The following SP100 variants were observed in gnomAD, a reference collection of about 807,000 sequenced individuals.
SP100 encodes the protein SP100 nuclear body protein.
In SP100, 84 loss-of-function variants were observed where a neutral mutation model predicts 130.0. The observed-to-expected ratio is 0.65, with a 90% CI of 0.54 to 0.77. SP100 has a LOEUF of 0.77. SP100 is among the 30% of genes least tolerant of loss of function. The pLI is 0.00. For synonymous variants in SP100, 331 were observed against 351.7 expected (o/e 0.94, Z 0.66); for missense variants, 978 against 1,052.2 (o/e 0.93, Z 0.97).
intron 19 of SP100, among the ~76,000 whole-genome samples, chr2:230,502,736 C>T (rs1001194493): frequency 2.6e-5 from 4 of 152,090 alleles, no homozygotes; most frequent in African/African-American, 4.8e-5. Context: ...TGGCTGTAAC[C>T]GAGTCTAGAT....
At chr2:230,530,030 AT>A (rs1331383489) in intron 24 of SP100, among the ~76,000 whole-genome samples, 1 of 152,262 alleles carries the variant, frequency 6.6e-6, no homozygotes, top group African/African-American at 2.4e-5. Flanking sequence ...ATTCAATGCT[AT>A]CCCCATCAAG....
At chr2:230,538,944 G>T in intron 24 of SP100, 1 of 238,334 alleles carries the variant, frequency 4.2e-6, no homozygotes, top group East Asian at 8.4e-5. Flanking sequence ...GATGTAGACA[G>T]CTAGAAAAGA....
chr2:230,520,365 G>A (rs1000366942), intron 24 of SP100, among the ~76,000 whole-genome samples: 1 of 152,294 alleles, frequency 6.6e-6, no homozygotes, highest in Non-Finnish European at 1.5e-5. Flanking sequence ...CTAAGGAAAG[G>A]TTGTCCCATC....
intron 2 of SP100, among the ~76,000 whole-genome samples, chr2:230,422,341 G>A (rs2062791515): frequency 6.6e-6 from 1 of 152,116 alleles, no homozygotes; most frequent in South Asian, 2.1e-4. Context: ...TTCATCAAGT[G>A]TCCACTGGGT....
chr2:230,482,659 T>A (rs1399607550), intron 17 of SP100, among the ~76,000 whole-genome samples: 2 of 151,950 alleles, frequency 1.3e-5, no homozygotes, highest in African/African-American at 2.4e-5. Context: ...TCCACTGATG[T>A]GTAATGTCAC....
At chr2:230,532,863 C>T (rs1184180097) in intron 24 of SP100, among the ~76,000 whole-genome samples, 5 of 152,192 alleles carry the variant, frequency 3.3e-5, no homozygotes, top group African/African-American at 1.2e-4. Flanking sequence ...TTACTGCAAC[C>T]TCTGCCTCCT....
intron 2 of SP100, among the ~76,000 whole-genome samples, chr2:230,427,204 C>G (rs1016972431): frequency 2.0e-5 from 3 of 152,074 alleles, no homozygotes; most frequent in Non-Finnish European, 4.4e-5. Context: ...CTCTGTCACC[C>G]AGGTTGGAGT....
rs564014109 is a variant in SP100 at position 230,530,654 on chromosome 2, G to T, written c.2095-8613G>T. 1.4e-4 allele frequency among the ~76,000 whole-genome samples: 22 copies of T among 152,276 alleles called. 1 individual carries two copies. In the South Asian group the frequency reaches 4.6e-3, roughly 32 times the overall value. ...AGAGTGAACAGGCAACCTACAGAAT[G>T]GGAGAATATCTTTGCAATCTACCCA... On this transcript the variant is annotated intron_variant, in intron 24 of 28. Coordinates refer to ENST00000340126, the MANE Select transcript of SP100 (RefSeq NM_001080391.2).
In SP100 at chr2:230,499,330, G is replaced by C. The variant is rs531635033; in HGVS notation, c.1720+795G>C. On this transcript the variant is annotated intron_variant, in intron 19 of 28. Transcript: ENST00000340126. ...GCCAGGAGAAAGGTGCATGAAGGAG[G>C]AGGCAAGCAGAGAAGACAGACATCA... Among the ~76,000 whole-genome samples the C allele has an allele frequency of 3.3e-5, 5 of 150,160 alleles. No individual in the cohort carries two copies. In the East Asian group the frequency reaches 9.8e-4, roughly 29 times the overall value.
At chr2:230,514,642 A>G (rs565145671) in intron 24 of SP100, among the ~76,000 whole-genome samples, 41 of 152,260 alleles carry the variant, frequency 2.7e-4, no homozygotes, top group African/African-American at 9.1e-4. Context: ...ATTGTACTTG[A>G]CCTGATTATT....
chr2:230,435,032 G>A (rs1683358309), intron 2 of SP100, among the ~76,000 whole-genome samples: 1 of 152,200 alleles, frequency 6.6e-6, no homozygotes, highest in Admixed American at 6.5e-5. Context: ...GATTCCAAAA[G>A]TGGATCTGCA....
intron 23 of SP100, chr2:230,509,242 G>T (rs1690395034): frequency 6.6e-6 from 1 of 152,122 alleles, no homozygotes; most frequent in Non-Finnish European, 1.5e-5. Context: ...CTCCAAGGCT[G>T]GGTATAAGAG....
At chr2:230,429,779 T>C (rs2063044677) in intron 2 of SP100, among the ~76,000 whole-genome samples, 1 of 152,094 alleles carries the variant, frequency 6.6e-6, no homozygotes, top group Non-Finnish European at 1.5e-5. Context: ...CCAGTCATTG[T>C]ATTTTTCAGA....
At chr2:230,506,711 C>A (rs927638963) in intron 22 of SP100, 1 of 302,974 alleles carries the variant, frequency 3.3e-6, no homozygotes, top group Non-Finnish European at 6.2e-6. Flanking sequence ...ATAAACTGTG[C>A]AATTTGGTCA....
At chr2:230,476,343 G>A (rs1057240989) in intron 17 of SP100, among the ~76,000 whole-genome samples, 2 of 152,092 alleles carry the variant, frequency 1.3e-5, no homozygotes, top group Admixed American at 1.3e-4. Context: ...CAGCTAGAAC[G>A]TTTTTAGTGT....
intron 2 of SP100, among the ~76,000 whole-genome samples, chr2:230,420,685 T>C (rs992224646): frequency 1.3e-5 from 2 of 152,158 alleles, no homozygotes; most frequent in Non-Finnish European, 2.9e-5. Flanking sequence ...CCACAGTAAA[T>C]TATATTGAAA....
rs2063874690 is a variant in SP100 at position 230,449,685 on chromosome 2, A to G, written c.711A>G (p.Gln237=). The G allele has an allele frequency of 1.2e-6, 2 of 1,614,158 alleles. No homozygotes were observed. Among genetic ancestry groups the G allele is most frequent in the Non-Finnish European group, 1.7e-6 (2 of 1,180,012 alleles). The change falls in exon 7 of 29, where the codon CAA becomes CAG. Residue 237 remains glutamine (Q), a synonymous_variant. Coordinates refer to ENST00000340126, the MANE Select transcript of SP100 (RefSeq NM_001080391.2). ...DSLGSQQTNE[Q]CAQKAEPTES... is the part of the protein sequence containing the mutation. Reference sequence around the variant, plus strand: ...TAGGAAGCCAACAAACAAATGAACAATGTGCTCAAAAGGCTGAGCCAACAG... The same window carrying G: ...TAGGAAGCCAACAAACAAATGAACAGTGTGCTCAAAAGGCTGAGCCAACAG...
At chr2:230,542,185 G>C (rs1692203903) in intron 28 of SP100, 150 bp downstream of exon 28, 3 of 817,590 alleles carry the variant, frequency 3.7e-6, no homozygotes, top group Non-Finnish European at 5.8e-6. Flanking sequence ...TATCCTAAAA[G>C]CCCTGTAGTG....
intron 8 of SP100, among the ~76,000 whole-genome samples, chr2:230,460,327 G>T (rs904507316): frequency 3.3e-5 from 5 of 152,116 alleles, no homozygotes; most frequent in Admixed American, 1.3e-4. Context: ...GAATACAGAT[G>T]ACTTTCACAA....
Sources: allele counts gnomAD v4.1 joint callset (sites outside exome capture counted in the v4.1 genomes callset), GRCh38; gene constraint gnomAD v4.1.1; transcripts MANE v1.5; gene names NCBI Gene and HGNC (gene_info 2026-07-23, HGNC 2026-07-21).